The following WWC1 variants were observed in gnomAD, a reference collection of about 807,000 sequenced individuals.
The protein encoded by WWC1 is WW and C2 domain containing 1.
WWC1 carries 55 observed loss-of-function variants against 138.4 expected under a neutral mutation model. The ratio of observed to expected loss-of-function variants is 0.40; its 90% CI spans 0.32 to 0.50. WWC1 has a LOEUF of 0.50. Ranked by LOEUF, WWC1 falls within the 20% of genes least tolerant of loss-of-function variation. The pLI is 0.72. For synonymous variants in WWC1, 524 were observed against 564.9 expected (o/e 0.93, Z 1.03); for missense variants, 1,226 against 1,420.4 (o/e 0.86, Z 2.20).
intron 1 of WWC1, among the ~76,000 whole-genome samples, chr5:168,339,335 T>C (rs1326685773): frequency 6.6e-6 from 1 of 152,178 alleles, no homozygotes; most frequent in Non-Finnish European, 1.5e-5. Flanking sequence ...TCCTTCCCCC[T>C]AGCTAGTTGC....
intron 1 of WWC1, among the ~76,000 whole-genome samples, chr5:168,333,461 T>C (rs1773203234): frequency 1.3e-5 from 2 of 152,216 alleles, no homozygotes; most frequent in Non-Finnish European, 2.9e-5. Context: ...CCCTTGGTGC[T>C]GTGAGCCCTT....
At chr5:168,311,687 A>G (rs1771098552) in intron 1 of WWC1, among the ~76,000 whole-genome samples, 1 of 152,166 alleles carries the variant, frequency 6.6e-6, no homozygotes, top group Non-Finnish European at 1.5e-5. Flanking sequence ...CCTGGCCAAC[A>G]TGGCAAAACC....
At position 168,339,931 on chromosome 5, in the gene WWC1, CTT is replaced by C. The variant is rs1169808297; in HGVS notation, c.120-31491_120-31490del. On this transcript the variant is annotated intron_variant, in intron 1 of 22. Transcript: ENST00000265293. ...TTTCTCTCTCTCTCTCTCTTTCTCT[CTT>C]TCTCTCTCTCTCTCCCCCTCTCCCT... Among the ~76,000 whole-genome samples, 409 of 141,878 alleles carry C rather than the reference CTT, an allele frequency of 2.9e-3. 2 individuals are homozygous for C. Among genetic ancestry groups the C allele is most frequent in the African/African-American group, 0.011 (389 of 35,564 alleles). The allele number at this position is 141,878 out of a possible 152,430, so 93.1% of individuals were successfully genotyped here.
chr5:168,376,913 C>A (rs571580360), intron 2 of WWC1, among the ~76,000 whole-genome samples: 1 of 152,124 alleles, frequency 6.6e-6, no homozygotes, highest in Non-Finnish European at 1.5e-5. Flanking sequence ...TCATTTTTCA[C>A]AGAATTAGAA....
Position 168,291,805 on chromosome 5 carries a change from A to C in WWC1, c.-348A>C, listed in dbSNP as rs1354029174. 1.3e-5 allele frequency: 2 copies of C among 151,050 alleles called. No individual in the cohort carries two copies. Among genetic ancestry groups the C allele is most frequent in the Non-Finnish European group, 2.9e-5 (2 of 67,950 alleles). The allele number at this position is 151,050 out of a possible 1,614,324, so 9.4% of individuals were successfully genotyped here. A position where few individuals can be genotyped will look rare whatever the true frequency, so the allele number is the denominator to read the frequency against. On this transcript the variant is annotated 5_prime_UTR_variant, in exon 1 of 23. Coordinates refer to ENST00000265293, the MANE Select transcript of WWC1 (RefSeq NM_015238.3). ...GCGGCAGCGGCGGCGTGGAGGGCGC[A>C]GCGCGCCGCGCGGCGGAGGAGGGCA...
At chr5:168,371,639 A>T in intron 2 of WWC1, 106 bp downstream of exon 2, 1 of 703,886 alleles carries the variant, frequency 1.4e-6, no homozygotes. Context: ...TCTTGGAGCC[A>T]GATTGTATTT....
Position 168,326,032 on chromosome 5 carries a change from T to C in WWC1, c.119+33761T>C, listed in dbSNP as rs565151539. On this transcript the variant is annotated intron_variant, in intron 1 of 22. Coordinates refer to ENST00000265293, the MANE Select transcript of WWC1 (RefSeq NM_015238.3). Reference sequence around the variant, plus strand: ...AATCATATTCCCTTGTATGTTGATATCACATTTTGCTTTTCTGTTCCTCTG... The same window carrying C: ...AATCATATTCCCTTGTATGTTGATACCACATTTTGCTTTTCTGTTCCTCTG... Among the ~76,000 whole-genome samples the C allele has an allele frequency of 5.3e-5, 8 of 152,338 alleles. No homozygotes were observed. The South Asian group carries it at 1.4e-3, about 28-fold the overall frequency.
intron 15 of WWC1, among the ~76,000 whole-genome samples, chr5:168,441,356 G>A (rs1290434688): frequency 2.0e-5 from 3 of 152,142 alleles, no homozygotes; most frequent in African/African-American, 4.8e-5. Flanking sequence ...AACAATGTGC[G>A]TAATGTTTAA....
chr5:168,339,855 C>CTT (rs1773847011), intron 1 of WWC1, among the ~76,000 whole-genome samples: 1 of 122,094 alleles, frequency 8.2e-6, no homozygotes, highest in African/African-American at 4.2e-5. Context: ...CTTTCTTTCT[C>CTT]TCTTTCTCTC....
At chr5:168,413,281 C>T (rs142206448) in intron 8 of WWC1, among the ~76,000 whole-genome samples, 113 of 152,296 alleles carry the variant, frequency 7.4e-4, no homozygotes, top group African/African-American at 2.6e-3. Flanking sequence ...GCTGATGGTA[C>T]TTTGCAGAGG....
intron 1 of WWC1, among the ~76,000 whole-genome samples, chr5:168,360,531 T>C (rs1009749907): frequency 1.8e-4 from 27 of 152,324 alleles, no homozygotes; most frequent in African/African-American, 6.3e-4. Context: ...TGCCCTGACC[T>C]TTGGGACAGG....
intron 11 of WWC1, among the ~76,000 whole-genome samples, chr5:168,424,847 C>T (rs1365793104): frequency 6.6e-6 from 1 of 152,124 alleles, no homozygotes; most frequent in Non-Finnish European, 1.5e-5. Context: ...GATCTGACTC[C>T]CATTCTGCAT....
intron 21 of WWC1, among the ~76,000 whole-genome samples, chr5:168,467,216 C>A (rs937419787): frequency 9.2e-5 from 14 of 152,210 alleles, no homozygotes; most frequent in African/African-American, 3.4e-4. Flanking sequence ...CGAGATTGCG[C>A]CCCTACACTC....
chr5:168,406,932 ACT>A (rs371425654), intron 6 of WWC1, among the ~76,000 whole-genome samples: 10 of 150,860 alleles, frequency 6.6e-5, no homozygotes, highest in African/African-American at 2.5e-4. Flanking sequence ...AAACAGTGAG[ACT>A]CTGTCTCAAA....
At chr5:168,390,356 T>C (rs1400045848) in intron 3 of WWC1, among the ~76,000 whole-genome samples, 1 of 152,146 alleles carries the variant, frequency 6.6e-6, no homozygotes, top group Non-Finnish European at 1.5e-5. Flanking sequence ...AAATACATGA[T>C]CAAAGGAAGG....
chr5:168,355,494 CAAAAAA>C (rs564674062), intron 1 of WWC1, among the ~76,000 whole-genome samples: 1 of 66,528 alleles, frequency 1.5e-5, no homozygotes, highest in Non-Finnish European at 2.7e-5. Context: ...GACTCCGTCT[CAAAAAA>C]AAAAAAAAAA....
Position 168,361,567 on chromosome 5 carries a change from C to T in WWC1, c.120-9857C>T, listed in dbSNP as rs75496402. On this transcript the variant is annotated intron_variant, in intron 1 of 22. Coordinates refer to ENST00000265293, the MANE Select transcript of WWC1 (RefSeq NM_015238.3). Reference sequence around the variant, plus strand: ...GGCTGTTCAGATGCTTATTGAATTTCAAATGGAGCCAAGCCCAGCACCAAG... The same window carrying T: ...GGCTGTTCAGATGCTTATTGAATTTTAAATGGAGCCAAGCCCAGCACCAAG... Among the ~76,000 whole-genome samples, 409 of 152,226 alleles carry T rather than the reference C, an allele frequency of 2.7e-3. 1 individual carries two copies. Among genetic ancestry groups the T allele is most frequent in the Middle Eastern group, 0.02 (6 of 294 alleles).
intron 3 of WWC1, 94 bp from the exon 4 acceptor site, chr5:168,397,630 T>C: frequency 7.6e-7 from 1 of 1,323,992 alleles, no homozygotes; most frequent in East Asian, 2.3e-5. Context: ...CTTTTAGTCC[T>C]TCCCTTTCTA....
chr5:168,300,645 CTCT>C (rs770999578), intron 1 of WWC1, among the ~76,000 whole-genome samples: 14 of 149,184 alleles, frequency 9.4e-5, no homozygotes, highest in Non-Finnish European at 1.0e-4. Context: ...TTTTTTTCTT[CTCT>C]TGCTCCATTC....
Sources: allele counts gnomAD v4.1 joint callset (sites outside exome capture counted in the v4.1 genomes callset), GRCh38; gene constraint gnomAD v4.1.1; transcripts MANE v1.5; gene names NCBI Gene and HGNC (gene_info 2026-07-23, HGNC 2026-07-21).